Variants in PLEKHG4 observed in about 807,000 individuals in gnomAD.
PLEKHG4 encodes puratrophin-1.
PLEKHG4 carries 85 observed loss-of-function variants against 136.9 expected under a neutral mutation model. The observed-to-expected ratio is 0.62, with a 90% CI of 0.52 to 0.74. The LOEUF is 0.74. PLEKHG4 is among the 30% of genes least tolerant of loss of function. The probability of loss-of-function intolerance (pLI) is 0.00; values close to 1 mark genes in which losing one functional copy is unlikely to be tolerated. For missense variants in PLEKHG4, 1,317 were observed against 1,527.8 expected (o/e 0.86, Z 2.30); for synonymous variants, 577 against 646.9 (o/e 0.89, Z 1.64).
chr16:67,282,102 C>G lies in PLEKHG4; in HGVS notation c.1099C>G (p.Pro367Ala), dbSNP rs1485987161. The change falls in exon 8 of 22, where the codon CCT (proline) becomes GCT (alanine). Residue 367 changes from proline to alanine, a missense_variant. Physicochemically the swap from Pro to Ala is conservative, Grantham distance 27. Coordinates refer to ENST00000379344, the MANE Select transcript of PLEKHG4 (RefSeq NM_001129729.3). ...GAAGGCTGTGCCCCAGCCCATGGAG[C>G]CTGGGGTGAGTGTCCCCTCCCAGTC... Reference protein sequence around the residue: ...SVKAVPQPMEPGEVGQLLQQT... With the variant: ...SVKAVPQPMEAGEVGQLLQQT... 1.9e-6 allele frequency: 3 copies of G among 1,612,436 alleles called. No individual in the cohort carries two copies. The highest frequency in any genetic ancestry group is 2.5e-6 in the Non-Finnish European group (3 of 1,179,002).
Position 67,284,613 on chromosome 16 carries a change from G to A in PLEKHG4, c.1693-100G>A. 6.6e-7 allele frequency: 1 copy of A among 1,512,382 alleles called. No individual in the cohort carries two copies. Among genetic ancestry groups the A allele is most frequent in the Non-Finnish European group, 9.1e-7 (1 of 1,103,960 alleles). The allele number at this position is 1,512,382 out of a possible 1,614,324, so 93.7% of individuals were successfully genotyped here. A position where few individuals can be genotyped will look rare whatever the true frequency, so the allele number is the denominator to read the frequency against. On this transcript the variant is annotated intron_variant, in intron 12 of 21. Coordinates refer to ENST00000379344, the MANE Select transcript of PLEKHG4 (RefSeq NM_001129729.3). The surrounding 1 kb of genome is among the most constrained non-coding windows in gnomAD (Gnocchi z 4.4). ...AACCCAGTCACTGGGGCTGTGTCCTGGACAGCATCCTGTGGGGATGGGGAG... is the reference window on the plus strand; with the variant it reads ...AACCCAGTCACTGGGGCTGTGTCCTAGACAGCATCCTGTGGGGATGGGGAG...
At chr16:67,279,827 CG>C in intron 1 of PLEKHG4, 48 bp from the exon 2 acceptor site, 1 of 578,778 alleles carries the variant, frequency 1.7e-6, no homozygotes, top group Non-Finnish European at 3.1e-6. Context: ...GGGCGTCCGA[CG>C]GGGGACCTGG....
At position 67,288,326 on chromosome 16, in the gene PLEKHG4, G is replaced by C. The variant is rs1597388429; in HGVS notation, c.3380G>C (p.Cys1127Ser). Residue 1127 changes from cysteine (C) to serine (S), a missense_variant, in exon 20 of 22, where the codon TGT (cysteine) becomes TCT (serine). By Grantham distance (112) the Cys-to-Ser change is moderately radical. Coordinates refer to ENST00000379344, the MANE Select transcript of PLEKHG4 (RefSeq NM_001129729.3). ...GACCCAGCTCTTCTGGGTCTCCGCT[G>C]TCCCCTGTATCCCAGCTTCCCAGAG... ...YRDPALLGLR[C>S]PLYPSFPEEA... 2.5e-6 allele frequency: 4 copies of C among 1,612,206 alleles called. No individual in the cohort carries two copies. In the East Asian group the frequency reaches 8.9e-5, roughly 36 times the overall value.
In PLEKHG4 at chr16:67,288,565, A is replaced by C; in HGVS notation, c.3531A>C (p.Ser1177=). The change falls in exon 21 of 22, where the codon TCA becomes TCC. Residue 1177 remains serine, a synonymous_variant. Coordinates refer to ENST00000379344, the MANE Select transcript of PLEKHG4 (RefSeq NM_001129729.3). ...GSSGSDSSCV[S]GQALGRGLED... The stretch of plus-strand genomic sequence containing the variant: ...GTGGCTCTGACAGCAGCTGTGTGTC[A>C]GGGCAGGCCCTGGGTAGGGGCCTGG... 1 of 1,614,126 alleles carries C rather than the reference A, an allele frequency of 6.2e-7. No individual in the cohort carries two copies. The highest frequency in any genetic ancestry group is 8.5e-7 in the Non-Finnish European group (1 of 1,179,952).
rs886041026 is a variant in PLEKHG4, at chr16:67,280,029, C to T, written c.-16C>T. The T allele has an allele frequency of 1.2e-6, 2 of 1,611,804 alleles. No homozygotes were observed. The highest frequency in any genetic ancestry group is 2.2e-5 in the East Asian group (1 of 44,820). The stretch of plus-strand genomic sequence containing the variant: ...CTCCCGCTGGCCCCGAGCAGGCCCA[C>T]CTTTAGGAGGGCGTGATGGAAAGGC... On this transcript the variant is annotated 5_prime_UTR_variant, in exon 2 of 22. Transcript: ENST00000379344. This position sits in a 1 kb window ranked among gnomAD's most constrained non-coding sequence, Gnocchi z 4.4.
In PLEKHG4 at chr16:67,280,916, T is replaced by C; in HGVS notation, c.630T>C (p.Leu210=). 1 of 1,613,116 alleles carries C rather than the reference T, an allele frequency of 6.2e-7. No individual in the cohort carries two copies. The highest frequency in any genetic ancestry group is 1.1e-5 in the South Asian group (1 of 91,090). ...TRDVQGRAVL[L]LCAHSPAWLQ... is the part of the protein sequence containing the mutation. ...ATGTCCAAGGCCGGGCAGTGCTGCT[T>C]CTGTGTGCCCACAGCCCAGCCTGGC... Residue 210 remains leucine (L), a synonymous_variant, in exon 4 of 22, where the codon CTT becomes CTC. Transcript: ENST00000379344. This position sits in a 1 kb window ranked among gnomAD's most constrained non-coding sequence, Gnocchi z 4.4.
rs752332601 is a variant in PLEKHG4 at position 67,280,339 on chromosome 16, C to G, written c.295C>G (p.Pro99Ala). 1 of 1,613,588 alleles carries G rather than the reference C, an allele frequency of 6.2e-7. No individual in the cohort carries two copies. The highest frequency in any genetic ancestry group is 2.2e-5 in the East Asian group (1 of 44,876). ...SSSVLSEGPGPSGVESLLCPM... is the reference protein window; with the variant it reads ...SSSVLSEGPGASGVESLLCPM... ...CTCAGTCCTGTCAGAAGGGCCAGGC[C>G]CCTCTGGAGTGGAGAGTCTCCTATG... The change falls in exon 2 of 22, where the codon CCC (proline) becomes GCC (alanine). Residue 99 changes from proline to alanine, a missense_variant. Pro to Ala is a conservative substitution (Grantham distance 27). Coordinates refer to ENST00000379344, the MANE Select transcript of PLEKHG4 (RefSeq NM_001129729.3). The surrounding 1 kb of genome is among the most constrained non-coding windows in gnomAD (Gnocchi z 4.4).
At position 67,281,745 on chromosome 16, in the gene PLEKHG4, A is replaced by C. The variant is rs1050599534; in HGVS notation, c.913A>C (p.Ser305Arg). Residue 305 changes from serine to arginine, a missense_variant, in exon 7 of 22, where the codon AGC becomes CGC. Ser to Arg is a moderately radical substitution (Grantham distance 110). Coordinates refer to ENST00000379344, the MANE Select transcript of PLEKHG4 (RefSeq NM_001129729.3). The stretch of plus-strand genomic sequence containing the variant: ...GTAGCTGGAGCAGTTGCCTTCTCAG[A>C]GCCTGCTGACCCACATCCCAACGGC... ...GLQLEQLPSQ[S>R]LLTHIPTAGL... The C allele has an allele frequency of 7.4e-6, 12 of 1,613,944 alleles. No homozygotes were observed. The highest frequency in any genetic ancestry group is 1.3e-5 in the African/African-American group (1 of 74,928).
At position 67,282,572 on chromosome 16, in the gene PLEKHG4, G is replaced by C; in HGVS notation, c.1323G>C (p.Gln441His). ...GATTGCTGCACCAACTGACCCTGCA[G>C]AGCAACCAGCGAATACAGGCCCTAG... ...VDGLLHQLTL[Q>H]SNQRIQALEL... Residue 441 changes from glutamine to histidine, a missense_variant, in exon 10 of 22, where the codon CAG (glutamine) becomes CAC (histidine). Gln to His is a conservative substitution (Grantham distance 24). Transcript: ENST00000379344. 1.2e-6 allele frequency: 2 copies of C among 1,614,150 alleles called. No homozygotes were observed. The highest frequency in any genetic ancestry group is 1.7e-6 in the Non-Finnish European group (2 of 1,180,040).
intron 18 of PLEKHG4, 64 bp downstream of exon 18, chr16:67,287,241 G>T: frequency 5.2e-6 from 8 of 1,536,186 alleles, no homozygotes; most frequent in Non-Finnish European, 6.2e-6. Flanking sequence ...TGACCCACAG[G>T]AGCCCAGAGA....
chr16:67,284,518 C>A lies in PLEKHG4; in HGVS notation c.1692+61C>A. On this transcript the variant is annotated intron_variant, in intron 12 of 21. Transcript: ENST00000379344. This position sits in a 1 kb window ranked among gnomAD's most constrained non-coding sequence, Gnocchi z 4.4. Reference sequence around the variant, plus strand: ...GAGGCCGGAGGGATGGCAGCCCCAGCTTCAGCAGAGCCTGAGCTTTTCTTG... The same window carrying A: ...GAGGCCGGAGGGATGGCAGCCCCAGATTCAGCAGAGCCTGAGCTTTTCTTG... 1 of 1,567,858 alleles carries A rather than the reference C, an allele frequency of 6.4e-7. No homozygotes were observed. Among genetic ancestry groups the A allele is most frequent in the Non-Finnish European group, 8.8e-7 (1 of 1,140,618 alleles).
Position 67,289,028 on chromosome 16 carries a change from C to T in PLEKHG4, c.*220C>T. ...TGTAGAGCCTGAATAGGCTCCTGGC[C>T]CCATGACCCCTTCTCCTGTCCCCAG... On this transcript the variant is annotated 3_prime_UTR_variant, in exon 22 of 22. Transcript: ENST00000379344. The T allele has an allele frequency of 1.5e-6, 1 of 647,724 alleles. No homozygotes were observed. Among genetic ancestry groups the T allele is most frequent in the East Asian group, 2.8e-5 (1 of 36,360 alleles). The allele number at this position is 647,724 out of a possible 1,614,324, so 40.1% of individuals were successfully genotyped here.
chr16:67,284,983 A>G lies in PLEKHG4; in HGVS notation c.1963A>G (p.Thr655Ala), dbSNP rs2142460900. 1.2e-6 allele frequency: 2 copies of G among 1,613,334 alleles called. No homozygotes were observed. Among genetic ancestry groups the G allele is most frequent in the Middle Eastern group, 1.6e-4 (1 of 6,062 alleles). ...ASLKLPPVGS[T>A]ASLCVSQVPA... is the part of the protein sequence containing the mutation. ...ACTGAAGCTACCACCGGTGGGCAGC[A>G]CAGCTAGCCTGTGTGTCAGCCAGGT... Residue 655 changes from threonine to alanine, a missense_variant, in exon 13 of 22, where the codon ACA (threonine) becomes GCA (alanine). Coordinates refer to ENST00000379344, the MANE Select transcript of PLEKHG4 (RefSeq NM_001129729.3). This position sits in a 1 kb window ranked among gnomAD's most constrained non-coding sequence, Gnocchi z 4.4.
Position 67,282,193 on chromosome 16 carries a change from A to G in PLEKHG4, c.1105-8A>G. On this transcript the variant is annotated splice_polypyrimidine_tract_variant and splice_region_variant and intron_variant, in intron 8 of 21. Transcript: ENST00000379344. ...GCCACCTCCACAGCTTATTGCCCTC[A>G]ATCACAGGAGGTCGGTCAGCTGCTA... The G allele has an allele frequency of 1.2e-6, 2 of 1,613,514 alleles. No homozygotes were observed. Among genetic ancestry groups the G allele is most frequent in the African/African-American group, 2.7e-5 (2 of 75,026 alleles).
chr16:67,280,019 A>T lies in PLEKHG4; in HGVS notation c.-26A>T. ...ACCCAGCCCTCTCCCGCTGGCCCCGAGCAGGCCCACCTTTAGGAGGGCGTG... is the reference window on the plus strand; with the variant it reads ...ACCCAGCCCTCTCCCGCTGGCCCCGTGCAGGCCCACCTTTAGGAGGGCGTG... On this transcript the variant is annotated 5_prime_UTR_variant, in exon 2 of 22. Coordinates refer to ENST00000379344, the MANE Select transcript of PLEKHG4 (RefSeq NM_001129729.3). This position sits in a 1 kb window ranked among gnomAD's most constrained non-coding sequence, Gnocchi z 4.4. 1 of 1,609,100 alleles carries T rather than the reference A, an allele frequency of 6.2e-7. No individual in the cohort carries two copies. Among genetic ancestry groups the T allele is most frequent in the Non-Finnish European group, 8.5e-7 (1 of 1,177,452 alleles).
rs757576412 is a variant in PLEKHG4 at position 67,285,422 on chromosome 16, C to G, written c.2328C>G (p.Ala776=). Reference sequence around the variant, plus strand: ...CCCAGGGCCTCCGCGGTCAGCGTGCCCACCTCTTTGGCAACCTGGAGAAGC... The same window carrying G: ...CCCAGGGCCTCCGCGGTCAGCGTGCGCACCTCTTTGGCAACCTGGAGAAGC... The part of the protein sequence containing the change: ...DVPQGLRGQR[A]HLFGNLEKLR... The change falls in exon 14 of 22, where the codon GCC becomes GCG. Residue 776 remains alanine, a synonymous_variant. Coordinates refer to ENST00000379344, the MANE Select transcript of PLEKHG4 (RefSeq NM_001129729.3). 1.2e-6 allele frequency: 2 copies of G among 1,614,112 alleles called. No homozygotes were observed. The highest frequency in any genetic ancestry group is 3.3e-5 in the Admixed American group (2 of 60,006).
rs140866233 is a variant in PLEKHG4 at position 67,288,194 on chromosome 16, T to C, written c.3248T>C (p.Val1083Ala). Residue 1083 changes from valine (V) to alanine (A), a missense_variant, in exon 20 of 22, where the codon GTA becomes GCA. Val to Ala is a moderately conservative substitution (Grantham distance 64). Coordinates refer to ENST00000379344, the MANE Select transcript of PLEKHG4 (RefSeq NM_001129729.3). ...REVRSRASIA[V>A]APFDHDSLYL... Reference sequence around the variant, plus strand: ...GTTCGCTCTCGGGCGTCCATTGCCGTAGCCCCGTTTGACCATGACAGCCTC... The same window carrying C: ...GTTCGCTCTCGGGCGTCCATTGCCGCAGCCCCGTTTGACCATGACAGCCTC... The C allele has an allele frequency of 2.5e-6, 4 of 1,613,944 alleles. No homozygotes were observed. The highest frequency in any genetic ancestry group is 3.4e-6 in the Non-Finnish European group (4 of 1,180,000).
rs1048034129 is a variant in PLEKHG4, at chr16:67,289,323, G to A, written c.*515G>A. The stretch of plus-strand genomic sequence containing the variant: ...AGCCCCTTTTTACTGGGGCAGTTTC[G>A]TTATTTTGACTTGATGCCTTTTGAA... On this transcript the variant is annotated 3_prime_UTR_variant, in exon 22 of 22. Transcript: ENST00000379344. The A allele has an allele frequency of 1.3e-5, 6 of 455,588 alleles. No homozygotes were observed. Among genetic ancestry groups the A allele is most frequent in the East Asian group, 7.3e-5 (2 of 27,406 alleles). The allele number at this position is 455,588 out of a possible 1,614,324, so 28.2% of individuals were successfully genotyped here. A position where few individuals can be genotyped will look rare whatever the true frequency, so the allele number is the denominator to read the frequency against.
chr16:67,279,117 GC>G (rs1006092692), upstream of PLEKHG4: 4 of 152,196 alleles, frequency 2.6e-5, no homozygotes, highest in African/African-American at 9.7e-5. Flanking sequence ...ACCCCGCCCC[GC>G]CCCGTCCCGC....
Sources: allele counts gnomAD v4.1 joint callset, GRCh38; gene constraint gnomAD v4.1.1; non-coding constraint Gnocchi (gnomAD v3.1); transcripts MANE v1.5; gene names NCBI Gene and HGNC (gene_info 2026-07-23, HGNC 2026-07-21).